The following COP1 variants were observed in gnomAD, a reference collection of about 807,000 sequenced individuals.
COP1 encodes COP1 E3 ubiquitin ligase.
Under a neutral mutation model 101.3 loss-of-function variants are expected in COP1, and 24 were observed. The observed-to-expected ratio is 0.24, with a 90% CI of 0.17 to 0.33. The LOEUF is 0.33. Ranked by LOEUF, COP1 falls within the 10% of genes least tolerant of loss-of-function variation. The probability of loss-of-function intolerance (pLI) is 1.00; values close to 1 mark genes in which losing one functional copy is unlikely to be tolerated. For missense variants in COP1, 663 were observed against 906.2 expected, an observed-to-expected ratio of 0.73 and a Z score of 3.45; for synonymous variants, 347 against 341.9, an observed-to-expected ratio of 1.01 and a Z score of -0.17.
intron 18 of COP1, among the ~76,000 whole-genome samples, chr1:175,981,186 C>A (rs754888892): frequency 6.6e-6 from 1 of 152,042 alleles, no homozygotes; most frequent in Non-Finnish European, 1.5e-5. Context: ...GAAAATTTTT[C>A]AGGTTTATTT....
intron 15 of COP1, among the ~76,000 whole-genome samples, chr1:176,008,378 T>C (rs1314274591): frequency 6.6e-6 from 1 of 152,130 alleles, no homozygotes; most frequent in Non-Finnish European, 1.5e-5. Flanking sequence ...TGATTCTTTC[T>C]TTTGACAGGT....
In COP1 at chr1:175,968,253, C is replaced by T. The variant is rs79927435; in HGVS notation, c.2133+18690G>A. On this transcript the variant is annotated intron_variant, in intron 18 of 19. Coordinates refer to ENST00000367669, the MANE Select transcript of COP1 (RefSeq NM_022457.7). Reference sequence around the variant, plus strand: ...GCAAATAACACCTATTTTCAAAACTCGTAAGATACCTCAAAAACCAGTTCA... The same window carrying T: ...GCAAATAACACCTATTTTCAAAACTTGTAAGATACCTCAAAAACCAGTTCA... 1,819 of 234,358 alleles carry T rather than the reference C, an allele frequency of 7.8e-3. 12 individuals are homozygous for T. The highest frequency in any genetic ancestry group is 0.013 in the Non-Finnish European group (1,427 of 113,002). 14.5% of individuals were successfully genotyped at this position (234,358 alleles called of 1,614,324 possible).
chr1:175,994,963 C>A (rs563123391), intron 15 of COP1, among the ~76,000 whole-genome samples: 7 of 152,338 alleles, frequency 4.6e-5, no homozygotes, highest in African/African-American at 7.2e-5. Context: ...CACCACACAA[C>A]ACCTATTCCA....
At chr1:176,004,068 T>A (rs1373173577) in intron 15 of COP1, among the ~76,000 whole-genome samples, 1 of 147,734 alleles carries the variant, frequency 6.8e-6, no homozygotes, top group African/African-American at 2.5e-5. Context: ...GTCCTTCACA[T>A]CCCTTGTAAG....
chr1:176,132,103 C>T (rs1688979813), intron 8 of COP1, among the ~76,000 whole-genome samples: 1 of 151,696 alleles, frequency 6.6e-6, no homozygotes, highest in African/African-American at 2.4e-5. Flanking sequence ...CCAACATCTC[C>T]TCTCTTCTGA....
intron 15 of COP1, among the ~76,000 whole-genome samples, chr1:176,014,173 A>C (rs529855750): frequency 6.6e-6 from 1 of 152,226 alleles, no homozygotes; most frequent in African/African-American, 2.4e-5. Context: ...AACAGAAAGT[A>C]AGAGAATACA....
chr1:175,951,002 T>A (rs1649820560), intron 18 of COP1, among the ~76,000 whole-genome samples: 1 of 152,202 alleles, frequency 6.6e-6, no homozygotes, highest in South Asian at 2.1e-4. Context: ...TCCCAGCACT[T>A]TGGGAGGCCA....
At chr1:176,127,780 G>A (rs756963259) in intron 8 of COP1, among the ~76,000 whole-genome samples, 4 of 152,208 alleles carry the variant, frequency 2.6e-5, no homozygotes, top group Admixed American at 6.5e-5. Context: ...TTGCAGGATC[G>A]TATGGTAGTT....
chr1:176,160,255 CTTTTTTTTTTTTTTTTT>C (rs67600151), intron 5 of COP1: 3 of 238,870 alleles, frequency 1.3e-5, no homozygotes, highest in East Asian at 1.5e-4. Context: ...CCACACACAT[CTTTTTTTTTTTTTTTTT>C]TTTTTTTTTT....
intron 10 of COP1, among the ~76,000 whole-genome samples, chr1:176,084,708 CTAATA>C (rs201595041): frequency 0.033 from 5,096 of 152,190 alleles, 116 homozygotes; most frequent in Non-Finnish European, 0.047. Context: ...CTTTGTAAAT[CTAATA>C]TATTTTTTCC....
intron 5 of COP1, among the ~76,000 whole-genome samples, chr1:176,152,182 T>A (rs753592321): frequency 3.9e-5 from 6 of 151,974 alleles, no homozygotes; most frequent in Non-Finnish European, 4.4e-5. Context: ...TCCCAGCTAC[T>A]TGGGAAGCTC....
intron 15 of COP1, among the ~76,000 whole-genome samples, chr1:176,023,364 A>G (rs992817589): frequency 1.3e-5 from 2 of 152,244 alleles, no homozygotes; most frequent in East Asian, 3.8e-4. Flanking sequence ...ATTATAAAGG[A>G]ATGTTATTAA....
intron 3 of COP1, among the ~76,000 whole-genome samples, chr1:176,171,286 T>C (rs1453543409): frequency 6.6e-6 from 1 of 152,208 alleles, no homozygotes; most frequent in Non-Finnish European, 1.5e-5. Flanking sequence ...TTCTATGTTA[T>C]GGAGATGGCT....
intron 5 of COP1, among the ~76,000 whole-genome samples, chr1:176,150,686 A>G (rs1692280808): frequency 6.6e-6 from 1 of 152,220 alleles, no homozygotes; most frequent in African/African-American, 2.4e-5. Flanking sequence ...AAGGAATTAT[A>G]CAAACTATCT....
chr1:176,206,337 A>ACACTTACCT, intron 1 of COP1: 1 of 535,050 alleles, frequency 1.9e-6, no homozygotes, highest in South Asian at 2.5e-5. Flanking sequence ...CTCCTCAGCA[A>ACACTTACCT]CACTTACCTA....
chr1:176,054,470 CTGTTTT>C (rs1221367198), intron 11 of COP1, among the ~76,000 whole-genome samples: 14 of 152,038 alleles, frequency 9.2e-5, no homozygotes, highest in Non-Finnish European at 1.8e-4. Flanking sequence ...CCAAATTACT[CTGTTTT>C]TAAGTTTACT....
At chr1:176,163,417 C>T (rs1461066307) in intron 4 of COP1, among the ~76,000 whole-genome samples, 1 of 152,166 alleles carries the variant, frequency 6.6e-6, no homozygotes, top group African/African-American at 2.4e-5. Flanking sequence ...GACAAAGTCT[C>T]GCTATGTTGC....
chr1:176,077,105 T>G (rs989151346), intron 11 of COP1, among the ~76,000 whole-genome samples: 16 of 152,140 alleles, frequency 1.1e-4, no homozygotes, highest in Non-Finnish European at 1.9e-4. Context: ...AAGGAGGGGC[T>G]TCTCCCTAAT....
intron 2 of COP1, 30 bp from the exon 3 acceptor site, chr1:176,176,037 A>C (rs1409231401): frequency 9.6e-7 from 1 of 1,042,444 alleles, no homozygotes; most frequent in Admixed American, 2.0e-5. Flanking sequence ...AAAAAGGCTT[A>C]ATTAAATCAA....
Sources: gnomAD v4.1 joint callset for allele counts (sites outside exome capture counted in the v4.1 genomes callset) on GRCh38, gnomAD v4.1.1 for gene constraint, MANE v1.5 for transcripts, NCBI Gene and HGNC (gene_info 2026-07-23, HGNC 2026-07-21) for gene names.